The following ABCE1 variants were observed in gnomAD, a reference collection of about 807,000 sequenced individuals.
ABCE1 encodes the protein ATP binding cassette subfamily E member 1.
In ABCE1, 22 loss-of-function variants were observed where a neutral mutation model predicts 83.4. The ratio of observed to expected loss-of-function variants is 0.26; its 90% CI spans 0.19 to 0.38. The LOEUF (loss-of-function observed/expected upper bound fraction) is 0.38. ABCE1 is among the 10% of genes least tolerant of loss of function. The pLI, the probability that ABCE1 is intolerant of heterozygous loss-of-function variation, is 1.00. For missense variants in ABCE1, 330 were observed against 721.9 expected, an observed-to-expected ratio of 0.46 and a Z score of 6.22; for synonymous variants, 204 against 233.7, an observed-to-expected ratio of 0.87 and a Z score of 1.16.
At chr4:145,104,545 AAAAG>A (rs749261677) in intron 2 of ABCE1, 30 bp downstream of exon 2, 27 of 1,415,316 alleles carry the variant, frequency 1.9e-5, no homozygotes, top group Non-Finnish European at 1.9e-5. Flanking sequence ...ATTTAAGTAT[AAAAG>A]AAAACCATGA....
At chr4:145,124,639 C>T (rs564559805) in intron 16 of ABCE1, among the ~76,000 whole-genome samples, 10 of 152,212 alleles carry the variant, frequency 6.6e-5, no homozygotes, top group Admixed American at 2.0e-4. Context: ...TTTTAAGATT[C>T]TCATCCCCCC....
At chr4:145,105,809 A>G (rs1333610343) in intron 3 of ABCE1, 119 bp downstream of exon 3, 1 of 502,562 alleles carries the variant, frequency 2.0e-6, no homozygotes, top group Non-Finnish European at 3.4e-6. Flanking sequence ...TGAATAGAGA[A>G]TGTAAATTTA....
At position 145,124,986 on chromosome 4, in the gene ABCE1, T is replaced by G. The variant is rs4835203; in HGVS notation, c.1641-4T>G. 1 of 1,583,490 alleles carries G rather than the reference T, an allele frequency of 6.3e-7. No homozygotes were observed. The highest frequency in any genetic ancestry group is 1.1e-5 in the South Asian group (1 of 87,306). ...ATCAAAATTGATTTTTTTTTTTCTCTTAGTCCTCAAACCCTTTTGGCTGGC... is the reference window on the plus strand; with the variant it reads ...ATCAAAATTGATTTTTTTTTTTCTCGTAGTCCTCAAACCCTTTTGGCTGGC... On this transcript the variant is annotated splice_region_variant and splice_polypyrimidine_tract_variant and intron_variant, in intron 16 of 17. Coordinates refer to ENST00000296577, the MANE Select transcript of ABCE1 (RefSeq NM_002940.3).
At chr4:145,125,448 A>G (rs958496283) in intron 17 of ABCE1, among the ~76,000 whole-genome samples, 1 of 152,156 alleles carries the variant, frequency 6.6e-6, no homozygotes, top group African/African-American at 2.4e-5. Flanking sequence ...AGCCTGGGCA[A>G]AAGAGTGAGA....
At chr4:145,123,444 A>G in intron 15 of ABCE1, 34 bp from the exon 16 acceptor site, 1 of 1,590,754 alleles carries the variant, frequency 6.3e-7, no homozygotes, top group Non-Finnish European at 8.6e-7. Context: ...TTTATGATAG[A>G]AAGCTATAAG....
In ABCE1 at chr4:145,128,984, TTAA is replaced by T. The variant is rs1560968064; in HGVS notation, c.*1416_*1418del. 6.6e-6 allele frequency: 1 copy of T among 152,192 alleles called. No homozygotes were observed. The highest frequency in any genetic ancestry group is 2.4e-5 in the African/African-American group (1 of 41,454). 9.4% of individuals were successfully genotyped at this position (152,192 alleles called of 1,614,324 possible). On this transcript the variant is annotated 3_prime_UTR_variant, in exon 18 of 18. Coordinates refer to ENST00000296577, the MANE Select transcript of ABCE1 (RefSeq NM_002940.3). ...TCCCAAAGGTTACCAGCGTTTGAAT[TTAA>T]TAATGTATATTCTTTCATGCTTTTT... is the stretch of plus-strand genomic sequence containing the variant.
chr4:145,114,894 T>C (rs1560961528), intron 9 of ABCE1, among the ~76,000 whole-genome samples: 1 of 151,958 alleles, frequency 6.6e-6, no homozygotes. Flanking sequence ...AAAAAGTATA[T>C]CTCCATTCTG....
At chr4:145,124,452 CCTTT>C (rs752485999) in intron 16 of ABCE1, among the ~76,000 whole-genome samples, 34 of 151,860 alleles carry the variant, frequency 2.2e-4, no homozygotes, top group African/African-American at 6.1e-4. Flanking sequence ...TGATATCCCA[CCTTT>C]CTATTTACAA....
chr4:145,119,659 C>T (rs946282200), intron 10 of ABCE1, among the ~76,000 whole-genome samples: 4 of 151,890 alleles, frequency 2.6e-5, no homozygotes, highest in African/African-American at 9.7e-5. Context: ...ACATCATGTG[C>T]TCTCTTTTGC....
At position 145,123,607 on chromosome 4, in the gene ABCE1, T is replaced by G; in HGVS notation, c.1640+7T>G. 6.3e-7 allele frequency: 1 copy of G among 1,590,732 alleles called. No individual in the cohort carries two copies. Among genetic ancestry groups the G allele is most frequent in the African/African-American group, 1.3e-5 (1 of 74,704 alleles). ...AGAACACAGTTGCAAACAGGTAAAATTACTTTTTAATATGTTCAAAGTAAT... is the reference window on the plus strand; with the variant it reads ...AGAACACAGTTGCAAACAGGTAAAAGTACTTTTTAATATGTTCAAAGTAAT... On this transcript the variant is annotated splice_region_variant and intron_variant, in intron 16 of 17. Coordinates refer to ENST00000296577, the MANE Select transcript of ABCE1 (RefSeq NM_002940.3).
At chr4:145,103,668 G>A (rs954972702) in intron 1 of ABCE1, among the ~76,000 whole-genome samples, 24 of 152,092 alleles carry the variant, frequency 1.6e-4, no homozygotes, top group African/African-American at 5.3e-4. Context: ...GAGCTTGTGG[G>A]ATTTCCCCCA....
chr4:145,123,286 C>G lies in ABCE1; in HGVS notation c.1446C>G (p.Val482=). The G allele has an allele frequency of 1.9e-6, 3 of 1,612,726 alleles. No individual in the cohort carries two copies. Among genetic ancestry groups the G allele is most frequent in the South Asian group, 2.2e-5 (2 of 90,920 alleles). ...TTTGCTTGGGCAAACCTGCTGATGT[C>G]TATTTAATTGATGAACCATCTGCAT... is the stretch of plus-strand genomic sequence containing the variant. The part of the protein sequence containing the change: ...LALCLGKPAD[V]YLIDEPSAYL... Residue 482 remains valine, a synonymous_variant, in exon 15 of 18, where the codon GTC becomes GTG. Coordinates refer to ENST00000296577, the MANE Select transcript of ABCE1 (RefSeq NM_002940.3).
intron 17 of ABCE1, 33 bp from the exon 18 acceptor site, chr4:145,127,493 G>T: frequency 6.4e-7 from 1 of 1,571,306 alleles, no homozygotes; most frequent in Non-Finnish European, 8.6e-7. Context: ...GAATCGTGTT[G>T]CTGATTTTTG....
chr4:145,104,440 A>G lies in ABCE1; in HGVS notation c.28A>G (p.Ile10Val), dbSNP rs750234311. 32 of 1,601,890 alleles carry G rather than the reference A, an allele frequency of 2.0e-5. No homozygotes were observed. The highest frequency in any genetic ancestry group is 2.3e-5 in the Non-Finnish European group (27 of 1,174,740). Residue 10 changes from isoleucine to valine, a missense_variant, in exon 2 of 18, where the codon ATT becomes GTT. Ile to Val is a conservative substitution (Grantham distance 29). Coordinates refer to ENST00000296577, the MANE Select transcript of ABCE1 (RefSeq NM_002940.3). MADKLTRIA[I>V]VNHDKCKPKK... Reference sequence around the variant, plus strand: ...GGCAGACAAGTTAACGAGAATTGCTATTGTCAACCATGACAAATGTAAACC... The same window carrying G: ...GGCAGACAAGTTAACGAGAATTGCTGTTGTCAACCATGACAAATGTAAACC...
Position 145,117,294 on chromosome 4 carries a change from T to C in ABCE1, c.802T>C (p.Tyr268His). ...ACTAAAATCTGGTTTGATTTTCAGATATATCATTGTGGTGGAACATGATCT... is the reference window on the plus strand; with the variant it reads ...ACTAAAATCTGGTTTGATTTTCAGACATATCATTGTGGTGGAACATGATCT... Reference protein sequence around the residue: ...TIRSLINPDRYIIVVEHDLSV... With the variant: ...TIRSLINPDRHIIVVEHDLSV... Residue 268 changes from tyrosine to histidine, a missense_variant and splice_region_variant, in exon 10 of 18, where the codon TAT (tyrosine) becomes CAT (histidine). Transcript: ENST00000296577. 6.3e-7 allele frequency: 1 copy of C among 1,598,068 alleles called. No homozygotes were observed.
At chr4:145,108,939 G>T (rs1329283936) in intron 4 of ABCE1, among the ~76,000 whole-genome samples, 193 bp from the exon 5 acceptor site, 1 of 152,100 alleles carries the variant, frequency 6.6e-6, no homozygotes, top group East Asian at 1.9e-4. Context: ...GTTAATCTTG[G>T]CTGTTCTTTT....
chr4:145,116,848 C>T (rs369757392), intron 9 of ABCE1, among the ~76,000 whole-genome samples: 1 of 151,846 alleles, frequency 6.6e-6, no homozygotes, highest in Non-Finnish European at 1.5e-5. Flanking sequence ...TCCTTGTCTT[C>T]CCCAGCTAAA....
At chr4:145,106,834 AC>A (rs1749316418) in intron 3 of ABCE1, among the ~76,000 whole-genome samples, 1 of 152,160 alleles carries the variant, frequency 6.6e-6, no homozygotes, top group South Asian at 2.1e-4. Context: ...ATTTGTAAAA[AC>A]TTAATAGTTT....
intron 16 of ABCE1, chr4:145,123,954 G>T (rs1749808989): frequency 6.1e-6 from 1 of 164,072 alleles, no homozygotes; most frequent in East Asian, 1.6e-4. Flanking sequence ...CAAGATTAAA[G>T]AGGTTACATG....
Sources: allele counts gnomAD v4.1 joint callset (sites outside exome capture counted in the v4.1 genomes callset), GRCh38; gene constraint gnomAD v4.1.1; transcripts MANE v1.5; gene names NCBI Gene and HGNC (gene_info 2026-07-23, HGNC 2026-07-21).